The following SLC9A4 variants were observed in gnomAD, a reference collection of about 807,000 sequenced individuals.
SLC9A4 encodes the protein solute carrier family 9 member A4, also known as sodium/hydrogen exchanger 4.
In SLC9A4, 63 loss-of-function variants were observed where a neutral mutation model predicts 67.4. The observed-to-expected ratio is 0.93, with a 90% CI of 0.76 to 1.15. The LOEUF (loss-of-function observed/expected upper bound fraction) is 1.15, where lower values mean the gene tolerates loss of function less well. Ranked by LOEUF, SLC9A4 falls within the 50% of genes most tolerant of loss-of-function variation. The probability of loss-of-function intolerance (pLI) is 0.00; values close to 1 mark genes in which losing one functional copy is unlikely to be tolerated. For missense variants in SLC9A4, 1,089 were observed against 987.7 expected (o/e 1.10, Z -1.38); for synonymous variants, 393 against 367.2 (o/e 1.07, Z -0.80).
intron 11 of SLC9A4, 24 bp from the exon 12 acceptor site, chr2:102,532,306 C>T: frequency 1.9e-6 from 3 of 1,597,780 alleles, no homozygotes; most frequent in Non-Finnish European, 2.6e-6. Flanking sequence ...GTTCTTTCCC[C>T]TTCTTGCCAT....
intron 7 of SLC9A4, among the ~76,000 whole-genome samples, chr2:102,512,643 A>G (rs531761993): frequency 6.6e-6 from 1 of 152,338 alleles, no homozygotes; most frequent in Admixed American, 6.5e-5. Context: ...CTCCTTAGGA[A>G]TCCTGGCAAG....
intron 11 of SLC9A4, among the ~76,000 whole-genome samples, chr2:102,528,018 T>A (rs1056838604): frequency 1.3e-5 from 2 of 152,188 alleles, no homozygotes; most frequent in South Asian, 4.1e-4. Context: ...ACGATTTTTT[T>A]ATTTTTTTGA....
chr2:102,484,533 C>T (rs1257769715), intron 2 of SLC9A4, among the ~76,000 whole-genome samples: 1 of 152,198 alleles, frequency 6.6e-6, no homozygotes, highest in Non-Finnish European at 1.5e-5. Flanking sequence ...GGAGTAAGCA[C>T]TCAATGAATG....
chr2:102,476,164 A>G (rs1350383240), intron 1 of SLC9A4, among the ~76,000 whole-genome samples: 3 of 152,210 alleles, frequency 2.0e-5, no homozygotes, highest in African/African-American at 7.2e-5. Flanking sequence ...CACTTATAAA[A>G]CAAAGATAAT....
At chr2:102,524,050 G>C (rs540183845) in intron 9 of SLC9A4, among the ~76,000 whole-genome samples, 10 of 152,304 alleles carry the variant, frequency 6.6e-5, no homozygotes, top group African/African-American at 2.4e-4. Flanking sequence ...GACTTCTCCA[G>C]GAAACTGTAA....
chr2:102,527,440 C>T (rs753587965), intron 11 of SLC9A4, among the ~76,000 whole-genome samples: 2 of 152,130 alleles, frequency 1.3e-5, no homozygotes, highest in Non-Finnish European at 1.5e-5. Context: ...TAATTATATG[C>T]ATGTACCAAA....
Position 102,519,850 on chromosome 2 carries a change from T to C in SLC9A4, c.1722-9T>C, listed in dbSNP as rs1403550. 0.77 allele frequency: 1,234,998 copies of C among 1,612,216 alleles called. 476,051 individuals are homozygous for C. Among genetic ancestry groups the C allele is most frequent in the African/African-American group, 0.94 (70,162 of 74,920 alleles). On this transcript the variant is annotated splice_polypyrimidine_tract_variant and intron_variant, in intron 8 of 11. Coordinates refer to ENST00000295269, the MANE Select transcript of SLC9A4 (RefSeq NM_001011552.4). ...ATAATGTTTGTCTCTTCTCCAATAATGATTCCAGGGCCCAGAGGATACAAG... is the reference window on the plus strand; with the variant it reads ...ATAATGTTTGTCTCTTCTCCAATAACGATTCCAGGGCCCAGAGGATACAAG...
chr2:102,484,457 A>T (rs1684542318), intron 2 of SLC9A4, among the ~76,000 whole-genome samples: 1 of 152,124 alleles, frequency 6.6e-6, no homozygotes, highest in Non-Finnish European at 1.5e-5. Context: ...GGATAATGAC[A>T]TTCTTCAGCT....
chr2:102,520,150 T>A (rs1685375057), intron 9 of SLC9A4, among the ~76,000 whole-genome samples, 195 bp downstream of exon 9: 1 of 152,164 alleles, frequency 6.6e-6, no homozygotes, highest in Non-Finnish European at 1.5e-5. Flanking sequence ...AATTGGTACC[T>A]GTGACATAAA....
intron 1 of SLC9A4, among the ~76,000 whole-genome samples, chr2:102,474,895 C>T (rs1246205513): frequency 1.3e-5 from 2 of 152,120 alleles, no homozygotes; most frequent in African/African-American, 4.8e-5. Context: ...TTTTAATTCT[C>T]ATTTATTTAT....
intron 2 of SLC9A4, among the ~76,000 whole-genome samples, chr2:102,489,630 C>T (rs1684657317): frequency 6.6e-6 from 1 of 152,312 alleles, no homozygotes; most frequent in East Asian, 1.9e-4. Context: ...ATTACGTGTT[C>T]TGCCATCCAT....
intron 2 of SLC9A4, among the ~76,000 whole-genome samples, chr2:102,502,367 G>A (rs1474145527): frequency 2.6e-5 from 4 of 152,182 alleles, no homozygotes; most frequent in African/African-American, 9.7e-5. Context: ...AGAATCGTTT[G>A]GGGGATTCGA....
At chr2:102,474,850 G>A (rs1170445044) in intron 1 of SLC9A4, among the ~76,000 whole-genome samples, 2 of 152,226 alleles carry the variant, frequency 1.3e-5, no homozygotes, top group Non-Finnish European at 2.9e-5. Context: ...ATTTGAGTAT[G>A]TAGATTGCCT....
At chr2:102,501,941 G>C (rs1327159016) in intron 2 of SLC9A4, among the ~76,000 whole-genome samples, 1 of 152,062 alleles carries the variant, frequency 6.6e-6, no homozygotes, top group Non-Finnish European at 1.5e-5. Flanking sequence ...AGAGCCAACT[G>C]TGAAGGTGAG....
chr2:102,508,054 C>G (rs779173497), intron 4 of SLC9A4, 25 bp from the exon 5 acceptor site: 3 of 1,609,062 alleles, frequency 1.9e-6, no homozygotes, highest in Non-Finnish European at 2.6e-6. Flanking sequence ...ATCCTCTGCT[C>G]TAATACACGT....
chr2:102,516,209 C>G (rs1685273978), intron 8 of SLC9A4, among the ~76,000 whole-genome samples: 1 of 152,092 alleles, frequency 6.6e-6, no homozygotes, highest in East Asian at 1.9e-4. Context: ...TCAATTATTT[C>G]TTTAGAAATG....
chr2:102,485,726 T>A (rs1392664648), intron 2 of SLC9A4, among the ~76,000 whole-genome samples: 1 of 152,144 alleles, frequency 6.6e-6, no homozygotes, highest in Non-Finnish European at 1.5e-5. Context: ...GCAGGGGCCA[T>A]GTTGGCCCTG....
At chr2:102,502,166 A>G (rs2104431512) in intron 2 of SLC9A4, among the ~76,000 whole-genome samples, 1 of 152,308 alleles carries the variant, frequency 6.6e-6, no homozygotes, top group East Asian at 1.9e-4. Flanking sequence ...CATTTTCTGC[A>G]GAGATCTTCG....
In SLC9A4 at chr2:102,526,339, G is replaced by A. The variant is rs1265163009; in HGVS notation, c.2031G>A (p.Gly677=). 6.2e-7 allele frequency: 1 copy of A among 1,613,730 alleles called. No individual in the cohort carries two copies. Among genetic ancestry groups the A allele is most frequent in the South Asian group, 1.1e-5 (1 of 91,082 alleles). The change falls in exon 11 of 12, where the codon GGG becomes GGA. Residue 677 remains glycine (G), a synonymous_variant. Coordinates refer to ENST00000295269, the MANE Select transcript of SLC9A4 (RefSeq NM_001011552.4). The part of the protein sequence containing the change: ...QSAGRDTRAA[G]FSDDDSSDPG... ...CAGGAAGAGACACAAGGGCTGCTGG[G>A]TTCTCAGGTAAGCTGCCCACCTGGC...
Sources: gnomAD v4.1 joint callset for allele counts (sites outside exome capture counted in the v4.1 genomes callset) on GRCh38, gnomAD v4.1.1 for gene constraint, MANE v1.5 for transcripts, NCBI Gene and HGNC (gene_info 2026-07-23, HGNC 2026-07-21) for gene names.